SGCZ: variants seen among roughly 807,000 people sequenced by gnomAD.
SGCZ encodes sarcoglycan zeta.
SGCZ carries 40 observed loss-of-function variants against 41.3 expected under a neutral mutation model. That is an observed-to-expected ratio of 0.97 (90% confidence interval 0.75 to 1.26). The LOEUF is 1.26. Ranked by LOEUF, SGCZ falls within the 50% of genes most tolerant of loss-of-function variation. SGCZ has a pLI of 0.00. For missense variants in SGCZ, 552 were observed against 369.8 expected (o/e 1.49, Z -4.04); for synonymous variants, 206 against 137.5 (o/e 1.50, Z -3.49).
chr8:14,562,424 C>A (rs1015414344), intron 1 of SGCZ, among the ~76,000 whole-genome samples: 3 of 152,032 alleles, frequency 2.0e-5, no homozygotes, highest in Non-Finnish European at 1.5e-5. Flanking sequence ...GTAACATGAT[C>A]TGAAGATGAT....
At chr8:14,225,172 A>G (rs1475967196) in intron 4 of SGCZ, among the ~76,000 whole-genome samples, 1 of 152,152 alleles carries the variant, frequency 6.6e-6, no homozygotes, top group African/African-American at 2.4e-5. Flanking sequence ...ATGTGATTTT[A>G]ACCAATGAAG....
intron 7 of SGCZ, among the ~76,000 whole-genome samples, chr8:14,093,812 A>G (rs1443329298): frequency 6.6e-6 from 1 of 152,152 alleles, no homozygotes; most frequent in Non-Finnish European, 1.5e-5. Context: ...TAAACACTCT[A>G]TTAAAATAAT....
chr8:14,716,351 C>T (rs7814607), intron 1 of SGCZ, among the ~76,000 whole-genome samples: 56,004 of 151,696 alleles, frequency 0.37, 12,360 homozygotes, highest in African/African-American at 0.61. Context: ...TTTTTCCATG[C>T]GCACACACAC....
chr8:14,601,651 T>A (rs1487439506), intron 1 of SGCZ, among the ~76,000 whole-genome samples: 1 of 152,218 alleles, frequency 6.6e-6, no homozygotes, highest in African/African-American at 2.4e-5. Flanking sequence ...ACTGGGATTA[T>A]CTTTCCTTAT....
rs1046624508 is a variant in SGCZ, at chr8:14,679,751, G to C, written c.40-124825C>G. Among the ~76,000 whole-genome samples the C allele has an allele frequency of 4.6e-5, 7 of 151,940 alleles. 1 individual carries two copies. The highest frequency in any genetic ancestry group is 3.9e-4 in the Admixed American group (6 of 15,250). On this transcript the variant is annotated intron_variant, in intron 1 of 7. Coordinates refer to ENST00000382080, the MANE Select transcript of SGCZ (RefSeq NM_139167.4). The stretch of plus-strand genomic sequence containing the variant: ...AAAGTCCCCAATAGTGCATAGTAAT[G>C]TCTTATCCCTTTATATTCACTAGCC...
At chr8:14,283,195 A>T (rs554520029) in intron 3 of SGCZ, among the ~76,000 whole-genome samples, 8 of 152,142 alleles carry the variant, frequency 5.3e-5, no homozygotes, top group South Asian at 2.1e-4. Flanking sequence ...GATATAGATT[A>T]AAAAAATACC....
intron 1 of SGCZ, among the ~76,000 whole-genome samples, chr8:15,031,555 G>C (rs961039542): frequency 6.6e-6 from 1 of 152,170 alleles, no homozygotes; most frequent in African/African-American, 2.4e-5. Context: ...CAACAACCCT[G>C]TGAGGTGGAA....
chr8:14,337,785 C>G (rs1384054884), intron 2 of SGCZ, among the ~76,000 whole-genome samples: 1 of 152,046 alleles, frequency 6.6e-6, no homozygotes, highest in Non-Finnish European at 1.5e-5. Flanking sequence ...GGTACCTCCC[C>G]TGCATGGGTC....
chr8:14,962,200 T>A (rs1211927157), intron 1 of SGCZ, among the ~76,000 whole-genome samples: 1 of 152,142 alleles, frequency 6.6e-6, no homozygotes, highest in Non-Finnish European at 1.5e-5. Context: ...TTCTGATTTA[T>A]TTTTCCAAAT....
At chr8:14,891,762 T>G (rs1439528356) in intron 1 of SGCZ, among the ~76,000 whole-genome samples, 3 of 152,114 alleles carry the variant, frequency 2.0e-5, no homozygotes, top group Admixed American at 2.0e-4. Flanking sequence ...GCAGCAGACT[T>G]TATTGTCTTA....
intron 1 of SGCZ, among the ~76,000 whole-genome samples, chr8:14,692,172 T>C (rs561122521): frequency 6.6e-6 from 1 of 152,014 alleles, no homozygotes; most frequent in African/African-American, 2.4e-5. Context: ...CTAAATTACA[T>C]AGTTAAATTG....
chr8:14,623,120 T>A (rs1806338109), intron 1 of SGCZ, among the ~76,000 whole-genome samples: 1 of 152,172 alleles, frequency 6.6e-6, no homozygotes. Context: ...AACTTATCAG[T>A]GTATTACCAT....
Position 14,769,258 on chromosome 8 carries a change from T to C in SGCZ, c.40-214332A>G, listed in dbSNP as rs559114069. On this transcript the variant is annotated intron_variant, in intron 1 of 7. Coordinates refer to ENST00000382080, the MANE Select transcript of SGCZ (RefSeq NM_139167.4). ...ATGAGAATAATAATGAATGTTCCTG[T>C]GTATATTTTATCCAAGGAATTCACA... Among the ~76,000 whole-genome samples the C allele has an allele frequency of 2.6e-3, 397 of 152,288 alleles. 4 individuals carry two copies. Among genetic ancestry groups the C allele is most frequent in the African/African-American group, 8.5e-3 (353 of 41,550 alleles).
intron 5 of SGCZ, among the ~76,000 whole-genome samples, chr8:14,145,859 G>C (rs62490850): frequency 6.6e-6 from 1 of 152,056 alleles, no homozygotes; most frequent in African/African-American, 2.4e-5. Context: ...GCTGGAGGAA[G>C]AATTAGCTCT....
At chr8:15,111,876 G>A (rs1342966718) in intron 1 of SGCZ, among the ~76,000 whole-genome samples, 5 of 148,194 alleles carry the variant, frequency 3.4e-5, no homozygotes, top group East Asian at 4.0e-4. Flanking sequence ...CTCCAGCCTG[G>A]CAACAGAGCG....
chr8:14,858,938 A>G (rs914506024), intron 1 of SGCZ, among the ~76,000 whole-genome samples: 2 of 152,186 alleles, frequency 1.3e-5, no homozygotes, highest in Non-Finnish European at 2.9e-5. Flanking sequence ...TTCTTTGGCA[A>G]CAAATAATGT....
At chr8:14,853,796 T>C (rs1241933516) in intron 1 of SGCZ, among the ~76,000 whole-genome samples, 1 of 151,906 alleles carries the variant, frequency 6.6e-6, no homozygotes, top group African/African-American at 2.4e-5. Context: ...TAACTACTGT[T>C]GGAATTTTCC....
chr8:15,155,000 T>C (rs909702520), intron 1 of SGCZ, among the ~76,000 whole-genome samples: 1 of 151,944 alleles, frequency 6.6e-6, no homozygotes, highest in Admixed American at 6.6e-5. Flanking sequence ...CACCAAGAAA[T>C]GATAAATGCA....
At chr8:14,129,373 A>AAAAAAAC (rs1802965799) in intron 5 of SGCZ, among the ~76,000 whole-genome samples, 2 of 145,462 alleles carry the variant, frequency 1.4e-5, no homozygotes, top group Non-Finnish European at 3.0e-5. Context: ...AAAAAAAAAA[A>AAAAAAAC]TCTGCTCTTG....
Sources: gnomAD v4.1 joint callset for allele counts (sites outside exome capture counted in the v4.1 genomes callset) on GRCh38, gnomAD v4.1.1 for gene constraint, MANE v1.5 for transcripts, NCBI Gene and HGNC (gene_info 2026-07-23, HGNC 2026-07-21) for gene names.